The following MARCHF1 variants were observed in gnomAD, a reference collection of about 807,000 sequenced individuals.
MARCHF1 encodes the protein E3 ubiquitin-protein ligase MARCHF1.
In MARCHF1, 40 loss-of-function variants were observed where a neutral mutation model predicts 54.2. The ratio of observed to expected loss-of-function variants is 0.74; its 90% CI spans 0.57 to 0.96. The LOEUF (loss-of-function observed/expected upper bound fraction) is 0.96, where lower values mean the gene tolerates loss of function less well. Ranked by LOEUF, MARCHF1 falls within the 40% of genes least tolerant of loss-of-function variation. The pLI is 0.00. For missense variants in MARCHF1, 586 were observed against 656.5 expected (o/e 0.89, Z 1.17); for synonymous variants, 236 against 236.3 (o/e 1.00, Z 0.01).
At chr4:164,082,011 G>A (rs79209379) in intron 2 of MARCHF1, among the ~76,000 whole-genome samples, 2,714 of 152,218 alleles carry the variant, frequency 0.018, 70 homozygotes, top group African/African-American at 0.061. Flanking sequence ...TGTTCTGTGC[G>A]TGTAATCCTG....
chr4:163,634,120 C>T (rs962217344), intron 5 of MARCHF1, among the ~76,000 whole-genome samples: 44 of 152,228 alleles, frequency 2.9e-4, no homozygotes, highest in Non-Finnish European at 5.3e-4. Flanking sequence ...AAGGAACAAC[C>T]GGTACCAGCT....
chr4:163,715,076 A>C (rs910143110), intron 4 of MARCHF1, among the ~76,000 whole-genome samples: 1 of 152,356 alleles, frequency 6.6e-6, no homozygotes, highest in Middle Eastern at 3.4e-3. Context: ...TAGAAGCCAC[A>C]AAGATAAAAC....
chr4:163,651,107 T>G (rs112050581), intron 5 of MARCHF1, among the ~76,000 whole-genome samples: 2 of 151,932 alleles, frequency 1.3e-5, no homozygotes, highest in African/African-American at 4.8e-5. Context: ...ATCATCACAT[T>G]ATATTGCTGT....
chr4:164,171,615 G>T (rs917759264), intron 1 of MARCHF1, among the ~76,000 whole-genome samples: 1 of 152,046 alleles, frequency 6.6e-6, no homozygotes, highest in Admixed American at 6.6e-5. Flanking sequence ...GGTTATTAAG[G>T]AAGGCACACA....
intron 2 of MARCHF1, among the ~76,000 whole-genome samples, chr4:164,099,166 G>A (rs1755479917): frequency 6.6e-6 from 1 of 152,120 alleles, no homozygotes; most frequent in South Asian, 2.1e-4. Context: ...CTTGTATGGG[G>A]TGCTTAATCC....
chr4:164,111,807 A>G (rs1755839748), intron 1 of MARCHF1, 145 bp from the exon 2 acceptor site: 2 of 151,768 alleles, frequency 1.3e-5, no homozygotes, highest in African/African-American at 4.8e-5. Flanking sequence ...ACTGTTCTTA[A>G]TTTCATTTCT....
At chr4:163,783,427 T>A (rs1023484059) in intron 4 of MARCHF1, among the ~76,000 whole-genome samples, 5 of 152,158 alleles carry the variant, frequency 3.3e-5, no homozygotes, top group African/African-American at 1.2e-4. Context: ...TTTAGGTAGC[T>A]TCCAGAACCA....
chr4:164,194,832 G>A (rs997221315), intron 1 of MARCHF1, among the ~76,000 whole-genome samples: 1 of 152,020 alleles, frequency 6.6e-6, no homozygotes, highest in South Asian at 2.1e-4. Flanking sequence ...TGGGGTGCAT[G>A]TACAGAACAT....
chr4:164,039,190 A>G (rs572230040), intron 2 of MARCHF1, among the ~76,000 whole-genome samples: 3 of 152,308 alleles, frequency 2.0e-5, no homozygotes, highest in African/African-American at 7.2e-5. Flanking sequence ...TATTTGTTTC[A>G]CTTTTAAAAT....
chr4:163,935,622 G>T (rs1056831805), intron 3 of MARCHF1, among the ~76,000 whole-genome samples: 4 of 151,534 alleles, frequency 2.6e-5, no homozygotes, highest in Non-Finnish European at 5.9e-5. Flanking sequence ...TGACTTAAGA[G>T]AATGTTGTAG....
At chr4:164,199,379 C>T (rs576291399) in intron 1 of MARCHF1, among the ~76,000 whole-genome samples, 11 of 152,290 alleles carry the variant, frequency 7.2e-5, no homozygotes, top group South Asian at 6.2e-4. Context: ...GGGTGGCTCA[C>T]GCCTGTAATC....
At chr4:164,331,584 T>C (rs1050242278) in intron 1 of MARCHF1, among the ~76,000 whole-genome samples, 2 of 152,232 alleles carry the variant, frequency 1.3e-5, no homozygotes, top group African/African-American at 4.8e-5. Context: ...CTCTTTAAAA[T>C]TGTGTGTCTT....
intron 1 of MARCHF1, among the ~76,000 whole-genome samples, chr4:164,151,867 C>A (rs1729951834): frequency 6.6e-6 from 1 of 152,114 alleles, no homozygotes; most frequent in Admixed American, 6.6e-5. Flanking sequence ...GTTTATAGAA[C>A]TGCAGCTTTC....
chr4:163,543,993 C>G (rs1285791828), intron 9 of MARCHF1, among the ~76,000 whole-genome samples: 3 of 152,138 alleles, frequency 2.0e-5, no homozygotes, highest in Non-Finnish European at 4.4e-5. Context: ...AATGTGTCAT[C>G]TAATCTAAGG....
At chr4:164,013,372 AG>A (rs1753466336) in intron 2 of MARCHF1, among the ~76,000 whole-genome samples, 1 of 152,134 alleles carries the variant, frequency 6.6e-6, no homozygotes, top group Non-Finnish European at 1.5e-5. Flanking sequence ...AAAAAAGGAT[AG>A]AAGGAGAATA....
At chr4:163,945,732 C>T (rs929777076) in intron 3 of MARCHF1, among the ~76,000 whole-genome samples, 9 of 152,122 alleles carry the variant, frequency 5.9e-5, no homozygotes, top group African/African-American at 2.2e-4. Flanking sequence ...TAAAACATTA[C>T]AAATACAAAT....
chr4:163,757,273 G>C (rs1368054114), intron 4 of MARCHF1, among the ~76,000 whole-genome samples: 4 of 152,134 alleles, frequency 2.6e-5, no homozygotes, highest in Non-Finnish European at 5.9e-5. Flanking sequence ...CATTCTGTTG[G>C]TGTCTCCATG....
At chr4:163,874,792 G>C (rs2111227808) in intron 3 of MARCHF1, among the ~76,000 whole-genome samples, 1 of 152,204 alleles carries the variant, frequency 6.6e-6, no homozygotes, top group Non-Finnish European at 1.5e-5. Context: ...TATGAAAAAT[G>C]ATATATTTTT....
intron 5 of MARCHF1, among the ~76,000 whole-genome samples, chr4:163,675,944 T>C (rs1419747404): frequency 8.5e-5 from 13 of 152,172 alleles, no homozygotes; most frequent in Non-Finnish European, 1.9e-4. Flanking sequence ...CAAACAAAGA[T>C]GCCTATTTTT....
Sources: allele counts gnomAD v4.1 joint callset (sites outside exome capture counted in the v4.1 genomes callset), GRCh38; gene constraint gnomAD v4.1.1; transcripts MANE v1.5; gene names NCBI Gene and HGNC (gene_info 2026-07-23, HGNC 2026-07-21).